HHLA1: variants seen among roughly 807,000 people sequenced by gnomAD.
HHLA1 encodes the protein HERV-H LTR-associating protein 1.
Under a neutral mutation model 69.9 loss-of-function variants are expected in HHLA1, and 72 were observed. The observed-to-expected ratio is 1.03, with a 90% CI of 0.85 to 1.25. HHLA1 has a LOEUF of 1.25. Among genes scored for constraint, HHLA1 ranks in the 50% most tolerant of loss-of-function variants. The pLI, the probability that HHLA1 is intolerant of heterozygous loss-of-function variation, is 0.00. For missense variants in HHLA1, 685 were observed against 642.2 expected (o/e 1.07, Z -0.72); for synonymous variants, 252 against 233.2 (o/e 1.08, Z -0.73).
chr8:132,069,599 T>C (rs1473716358), intron 15 of HHLA1: 1 of 152,358 alleles, frequency 6.6e-6, no homozygotes, highest in East Asian at 1.9e-4. Context: ...TTTTCATTTA[T>C]TCATTCAGCT....
In HHLA1 at chr8:132,063,923, T is replaced by G. The variant is rs1040700625; in HGVS notation, c.*72A>C. The G allele has an allele frequency of 7.8e-6, 6 of 773,222 alleles. No homozygotes were observed. The highest frequency in any genetic ancestry group is 1.1e-5 in the Non-Finnish European group (6 of 551,900). 47.9% of individuals were successfully genotyped at this position (773,222 alleles called of 1,614,324 possible). A position where few individuals can be genotyped will look rare whatever the true frequency, so the allele number is the denominator to read the frequency against. ...GGTGAATTCTTCAAATGTAGCCCAC[T>G]TGGGACAAGAGCCAGGGTGGATGGC... On this transcript the variant is annotated 3_prime_UTR_variant, in exon 17 of 17. Transcript: ENST00000414222.
intron 13 of HHLA1, 75 bp downstream of exon 13, chr8:132,076,400 A>C: frequency 1.9e-6 from 2 of 1,028,102 alleles, no homozygotes; most frequent in East Asian, 2.6e-5. Flanking sequence ...CCATCCCACC[A>C]CGCCCTTGTC....
chr8:132,110,287 G>A (rs972907437), intron 1 of HHLA1, among the ~76,000 whole-genome samples: 7 of 152,158 alleles, frequency 4.6e-5, no homozygotes, highest in African/African-American at 1.4e-4. Context: ...CTTCCATATA[G>A]ATATCAGCTC....
intron 10 of HHLA1, among the ~76,000 whole-genome samples, chr8:132,083,542 A>G (rs1156328181): frequency 6.6e-6 from 1 of 152,172 alleles, no homozygotes; most frequent in Non-Finnish European, 1.5e-5. Context: ...AGTCAGTCAG[A>G]GAGCCTTGGG....
At chr8:132,098,788 T>G in intron 5 of HHLA1, 94 bp downstream of exon 5, 1 of 712,954 alleles carries the variant, frequency 1.4e-6, no homozygotes, top group South Asian at 1.7e-5. Context: ...CACACAGAAG[T>G]GAAGTGTCTT....
intron 7 of HHLA1, among the ~76,000 whole-genome samples, chr8:132,092,777 C>A (rs1202838605): frequency 6.6e-6 from 1 of 152,188 alleles, no homozygotes; most frequent in Non-Finnish European, 1.5e-5. Context: ...TTCTTTATAG[C>A]AATGTGAGAA....
chr8:132,110,280 C>T (rs573259627), intron 1 of HHLA1, among the ~76,000 whole-genome samples: 1 of 152,274 alleles, frequency 6.6e-6, no homozygotes, highest in South Asian at 2.1e-4. Context: ...CAGTAACCTT[C>T]CATATAGATA....
intron 8 of HHLA1, 110 bp from the exon 9 acceptor site, chr8:132,088,011 A>G: frequency 4.9e-6 from 4 of 809,458 alleles, no homozygotes; most frequent in Non-Finnish European, 8.2e-6. Flanking sequence ...TAATATAGGA[A>G]AATAAGCCTG....
chr8:132,070,668 C>T (rs1586723694), intron 15 of HHLA1, among the ~76,000 whole-genome samples: 1 of 151,940 alleles, frequency 6.6e-6, no homozygotes, highest in Non-Finnish European at 1.5e-5. Flanking sequence ...CATCTCATCA[C>T]GGCTAAACTC....
In HHLA1 at chr8:132,095,796, C is replaced by T; in HGVS notation, c.281-10G>A. ...AAGAACTTCTTGCTATCTGCCAAAA[C>T]ATACCAGATAAAGAGACAGACAGAT... On this transcript the variant is annotated splice_polypyrimidine_tract_variant and intron_variant, in intron 5 of 16. Coordinates refer to ENST00000414222, the MANE Select transcript of HHLA1 (RefSeq NM_001145095.3). 1.3e-6 allele frequency: 2 copies of T among 1,537,408 alleles called. No homozygotes were observed. Among genetic ancestry groups the T allele is most frequent in the Non-Finnish European group, 1.8e-6 (2 of 1,136,406 alleles).
chr8:132,087,686 A>G lies in HHLA1; in HGVS notation c.643T>C (p.Tyr215His), dbSNP rs574254835. The G allele has an allele frequency of 5.8e-6, 9 of 1,551,502 alleles. No individual in the cohort carries two copies. The highest frequency in any genetic ancestry group is 7.8e-6 in the Non-Finnish European group (9 of 1,146,848). ...CCAGACAAGCCGCTGGTAAATGTGT[A>G]ATTGATAATGGGATATTTTTCTTCT... ...EIEEKYPIIN[Y>H]TFTSGLSGVL... The change falls in exon 10 of 17, where the codon TAC becomes CAC. Residue 215 changes from tyrosine to histidine, a missense_variant. By Grantham distance (83) the Tyr-to-His change is moderately conservative. Coordinates refer to ENST00000414222, the MANE Select transcript of HHLA1 (RefSeq NM_001145095.3).
chr8:132,088,047 A>G, intron 8 of HHLA1, 146 bp from the exon 9 acceptor site: 1 of 662,508 alleles, frequency 1.5e-6, no homozygotes, highest in Non-Finnish European at 2.6e-6. Flanking sequence ...GGCAGTCCTC[A>G]TTTTCCAATT....
chr8:132,078,322 G>A (rs1823683418), intron 11 of HHLA1, among the ~76,000 whole-genome samples: 1 of 152,070 alleles, frequency 6.6e-6, no homozygotes, highest in Non-Finnish European at 1.5e-5. Context: ...AGATTGTGGG[G>A]TCTGAGGTGA....
chr8:132,079,015 C>G (rs1823693913), intron 11 of HHLA1, among the ~76,000 whole-genome samples: 1 of 152,174 alleles, frequency 6.6e-6, no homozygotes, highest in Non-Finnish European at 1.5e-5. Flanking sequence ...GTGTGCTGCA[C>G]CCATTAACTC....
intron 5 of HHLA1, 84 bp downstream of exon 5, chr8:132,098,798 T>C: frequency 3.7e-6 from 3 of 820,440 alleles, no homozygotes; most frequent in South Asian, 3.1e-5. Flanking sequence ...TGAAGTGTCT[T>C]GTCAAGGCAA....
In HHLA1 at chr8:132,077,802, G is replaced by C; in HGVS notation, c.1095C>G (p.Asn365Lys). 6.4e-7 allele frequency: 1 copy of C among 1,551,654 alleles called. No individual in the cohort carries two copies. Residue 365 changes from asparagine to lysine, a missense_variant, in exon 12 of 17, where the codon AAC becomes AAG. Coordinates refer to ENST00000414222, the MANE Select transcript of HHLA1 (RefSeq NM_001145095.3). ...CAGCAGGCGCCAAAAGGCTTGTAGT[G>C]TTCATGGCTTCCTCGGTCCCTGCAG... ...PTTAGTEEAM[N>K]TTSLLAPAAE...
At chr8:132,081,721 C>T (rs1435194001) in intron 10 of HHLA1, among the ~76,000 whole-genome samples, 1 of 152,170 alleles carries the variant, frequency 6.6e-6, no homozygotes, top group African/African-American at 2.4e-5. Context: ...TTATCTGACT[C>T]AGGGCATGTT....
intron 10 of HHLA1, among the ~76,000 whole-genome samples, chr8:132,087,051 A>G (rs1314027280): frequency 6.6e-6 from 1 of 152,244 alleles, no homozygotes; most frequent in Non-Finnish European, 1.5e-5. Context: ...CAAATGACAT[A>G]CAAGTGCTGT....
chr8:132,066,545 T>G (rs1247003914), intron 15 of HHLA1, among the ~76,000 whole-genome samples: 3 of 152,194 alleles, frequency 2.0e-5, no homozygotes, highest in Non-Finnish European at 4.4e-5. Context: ...CTCACCCAAT[T>G]AATAGGAAGA....
Sources: gnomAD v4.1 joint callset for allele counts (sites outside exome capture counted in the v4.1 genomes callset) on GRCh38, gnomAD v4.1.1 for gene constraint, MANE v1.5 for transcripts, NCBI Gene and HGNC (gene_info 2026-07-23, HGNC 2026-07-21) for gene names.